CAST: variants seen among roughly 807,000 people sequenced by gnomAD.
CAST encodes the protein calpastatin, also known as MIR583 host.
In CAST, 76 loss-of-function variants were observed where a neutral mutation model predicts 119.6. That is an observed-to-expected ratio of 0.64 (90% confidence interval 0.53 to 0.77). The LOEUF is 0.77. Among genes scored for constraint, CAST ranks in the 30% least tolerant of loss-of-function variants. The pLI, the probability that CAST is intolerant of heterozygous loss-of-function variation, is 0.00. For missense variants in CAST, 953 were observed against 946.5 expected (o/e 1.01, Z -0.09); for synonymous variants, 319 against 331.6 (o/e 0.96, Z 0.41).
At chr5:96,355,361 A>G in the CAST span, among the ~76,000 whole-genome samples, 43 of 152,292 alleles carry the variant, frequency 2.8e-4, no homozygotes, top group South Asian at 8.7e-3. Flanking sequence ...GGATGAACTC[A>G]TCCTTTTTTA....
chr5:96,279,822 T>C, the CAST span, among the ~76,000 whole-genome samples: 2 of 152,226 alleles, frequency 1.3e-5, no homozygotes, highest in Non-Finnish European at 2.9e-5. Flanking sequence ...TAGCATGTGG[T>C]TTCACACCCA....
chr5:96,554,564 G>A (rs1304615065), intron 1 of CAST, among the ~76,000 whole-genome samples: 1 of 152,056 alleles, frequency 6.6e-6, no homozygotes, highest in Admixed American at 6.6e-5. Flanking sequence ...TTGGATCTAA[G>A]TCAACTAAAG....
At chr5:96,557,736 A>T (rs1746272730) in intron 1 of CAST, among the ~76,000 whole-genome samples, 2 of 152,152 alleles carry the variant, frequency 1.3e-5, no homozygotes, top group Admixed American at 6.6e-5. Flanking sequence ...AGAAACTTAG[A>T]CTCCCACACA....
the CAST span, among the ~76,000 whole-genome samples, chr5:96,465,616 A>G: frequency 6.6e-6 from 1 of 152,170 alleles, no homozygotes; most frequent in Non-Finnish European, 1.5e-5. Flanking sequence ...AAGTCAGTGT[A>G]ACTGGGATTT....
chr5:96,085,261 G>A, the CAST span, among the ~76,000 whole-genome samples: 1 of 152,088 alleles, frequency 6.6e-6, no homozygotes, highest in Admixed American at 6.5e-5. Context: ...CTTCCTGTCA[G>A]AAATTCTACC....
At position 96,588,196 on chromosome 5, in the gene CAST, CTTTTTTTTTTTTT is replaced by C. The variant is rs140665192; in HGVS notation, c.60+58328_60+58340del. 4.0e-5 allele frequency among the ~76,000 whole-genome samples: 3 copies of C among 75,828 alleles called. 1 individual carries two copies. The highest frequency in any genetic ancestry group is 1.9e-4 in the African/African-American group (3 of 16,020). 49.7% of individuals were successfully genotyped at this position (75,828 alleles called of 152,430 possible). On this transcript the variant is annotated intron_variant, in intron 1 of 11. Transcript: ENST00000505143. ...TATTATTTTCTTTCTTTCTTTCTTT[CTTTTTTTTTTTTT>C]TTTTTTTTTTTGAGATGGAGTCTCA... is the stretch of plus-strand genomic sequence containing the variant.
the CAST span, among the ~76,000 whole-genome samples, chr5:96,251,546 A>G: frequency 5.9e-5 from 9 of 152,200 alleles, no homozygotes; most frequent in African/African-American, 2.2e-4. Context: ...AAGAAAATGC[A>G]TGCTTGATCT....
the CAST span, among the ~76,000 whole-genome samples, chr5:96,298,547 T>TTGGGA: frequency 6.6e-6 from 1 of 152,228 alleles, no homozygotes; most frequent in African/African-American, 2.4e-5. Context: ...AGTAAAGTGC[T>TTGGGA]TGGGACAGGG....
chr5:96,681,738 A>G (rs1274879745), intron 2 of CAST, among the ~76,000 whole-genome samples: 1 of 151,342 alleles, frequency 6.6e-6, no homozygotes, highest in Non-Finnish European at 1.5e-5. Flanking sequence ...GTCTCAAAAA[A>G]AAAAAAAAAA....
At chr5:96,668,218 T>C (rs535689892) in intron 1 of CAST, among the ~76,000 whole-genome samples, 1 of 152,238 alleles carries the variant, frequency 6.6e-6, no homozygotes, top group East Asian at 1.9e-4. Flanking sequence ...ATATAAGTCA[T>C]CCTTGTAACC....
intron 22 of CAST, among the ~76,000 whole-genome samples, chr5:96,756,341 C>G (rs1191298607): frequency 6.6e-6 from 1 of 152,150 alleles, no homozygotes; most frequent in East Asian, 1.9e-4. Flanking sequence ...TGGTGGAGAA[C>G]AAGCCCAGGT....
At chr5:96,052,862 G>A in the CAST span, among the ~76,000 whole-genome samples, 1 of 152,124 alleles carries the variant, frequency 6.6e-6, no homozygotes, top group Non-Finnish European at 1.5e-5. Context: ...GAATGGGAGA[G>A]GAGGAGAGGA....
the CAST span, chr5:96,432,816 C>G: frequency 4.5e-6 from 7 of 1,540,792 alleles, no homozygotes; most frequent in Non-Finnish European, 6.3e-6. Context: ...CCAGTCCCGC[C>G]AGTCCCCTGG....
At chr5:96,713,850 C>T (rs980341368) in intron 3 of CAST, among the ~76,000 whole-genome samples, 1 of 152,062 alleles carries the variant, frequency 6.6e-6, no homozygotes, top group Non-Finnish European at 1.5e-5. Flanking sequence ...TGGTGCACAC[C>T]TGTAGTCCCA....
intron 20 of CAST, among the ~76,000 whole-genome samples, chr5:96,753,105 C>T (rs546449064): frequency 3.3e-5 from 5 of 151,538 alleles, no homozygotes; most frequent in African/African-American, 9.6e-5. Flanking sequence ...GCAATCCTCC[C>T]ACCTCAGCCT....
chr5:96,570,447 G>A (rs1035627558), intron 1 of CAST, among the ~76,000 whole-genome samples: 4 of 151,966 alleles, frequency 2.6e-5, no homozygotes, highest in Non-Finnish European at 5.9e-5. Flanking sequence ...GTGTACATTA[G>A]AATAGCCTAG....
Position 96,675,615 on chromosome 5 carries a change from T to C in CAST, c.138+14T>C, listed in dbSNP as rs755443924. 14 of 1,576,300 alleles carry C rather than the reference T, an allele frequency of 8.9e-6. No homozygotes were observed. Among genetic ancestry groups the C allele is most frequent in the East Asian group, 6.7e-5 (3 of 44,648 alleles). On this transcript the variant is annotated intron_variant, in intron 2 of 31. Transcript: ENST00000675179. ...GGATCAGATGAGGTAATTTCCACAA[T>C]ACTGGGCTTTCATTTTCTCTTGCTT...
intron 16 of CAST, among the ~76,000 whole-genome samples, chr5:96,744,081 AAAAT>A: frequency 6.6e-6 from 1 of 152,212 alleles, no homozygotes; most frequent in East Asian, 1.9e-4. Context: ...AAAGTGACAT[AAAAT>A]AAGTTATTTA....
chr5:96,642,360 C>G (rs1465893291), intron 1 of CAST, among the ~76,000 whole-genome samples: 2 of 152,082 alleles, frequency 1.3e-5, no homozygotes. Context: ...TCTTTCCAGG[C>G]TAAACTTTCT....
Sources: allele counts gnomAD v4.1 joint callset (sites outside exome capture counted in the v4.1 genomes callset), GRCh38; gene constraint gnomAD v4.1.1; transcripts MANE v1.5; gene names NCBI Gene and HGNC (gene_info 2026-07-23, HGNC 2026-07-21).